DOCK8: variants seen among roughly 807,000 people sequenced by gnomAD.
The protein encoded by DOCK8 is dedicator of cytokinesis 8.
Under a neutral mutation model 245.6 loss-of-function variants are expected in DOCK8, and 141 were observed. The ratio of observed to expected loss-of-function variants is 0.57; its 90% CI spans 0.50 to 0.66. DOCK8 has a LOEUF of 0.66. Among genes scored for constraint, DOCK8 ranks in the 30% least tolerant of loss-of-function variants. The pLI, the probability that DOCK8 is intolerant of heterozygous loss-of-function variation, is 0.00. For synonymous variants in DOCK8, 1,168 were observed against 970.2 expected (o/e 1.20, Z -3.79); for missense variants, 2,965 against 2,603.4 (o/e 1.14, Z -3.02).
chr9:417,721 C>T (rs1197164664), intron 29 of DOCK8, among the ~76,000 whole-genome samples: 1 of 152,058 alleles, frequency 6.6e-6, no homozygotes, highest in Non-Finnish European at 1.5e-5. Context: ...TTGCTTAATT[C>T]TGTAATTGTA....
chr9:238,338 A>G (rs770302865), intron 1 of DOCK8, among the ~76,000 whole-genome samples: 3 of 152,242 alleles, frequency 2.0e-5, no homozygotes, highest in Non-Finnish European at 4.4e-5. Flanking sequence ...TGCTAAAGAC[A>G]TATTAATGAA....
intron 1 of DOCK8, among the ~76,000 whole-genome samples, chr9:263,961 C>T (rs1003306948): frequency 1.3e-5 from 2 of 152,164 alleles, no homozygotes; most frequent in Non-Finnish European, 2.9e-5. Flanking sequence ...ATTTATAGAA[C>T]TTTATGAAGC....
intron 24 of DOCK8, among the ~76,000 whole-genome samples, chr9:395,799 A>G (rs2054425008): frequency 6.6e-6 from 1 of 152,190 alleles, no homozygotes. Flanking sequence ...AAATTGTGGT[A>G]GGCATTGAGA....
At chr9:401,028 T>TCCACCATCACCAC (rs2055061394) in intron 26 of DOCK8, among the ~76,000 whole-genome samples, 1 of 82,442 alleles carries the variant, frequency 1.2e-5, no homozygotes, top group Non-Finnish European at 2.6e-5. Flanking sequence ...ACCACCTCCT[T>TCCACCATCACCAC]CACCTCCACC....
intron 20 of DOCK8, among the ~76,000 whole-genome samples, chr9:378,368 TTGG>T (rs1322211496): frequency 6.6e-6 from 1 of 152,106 alleles, no homozygotes; most frequent in Non-Finnish European, 1.5e-5. Context: ...AGTAGCACAG[TTGG>T]TGGTGGAACA....
At chr9:241,910 G>T (rs2047382386) in intron 1 of DOCK8, among the ~76,000 whole-genome samples, 1 of 152,140 alleles carries the variant, frequency 6.6e-6, no homozygotes, top group African/African-American at 2.4e-5. Context: ...CACAGCACCT[G>T]GCATGGGATA....
intron 15 of DOCK8, chr9:368,745 A>G (rs1331706175): frequency 6.6e-6 from 1 of 151,604 alleles, no homozygotes; most frequent in Non-Finnish European, 1.5e-5. Flanking sequence ...TCTCCTACTA[A>G]ATGAGATGGT....
At chr9:339,381 A>G (rs1188812421) in intron 13 of DOCK8, among the ~76,000 whole-genome samples, 1 of 152,236 alleles carries the variant, frequency 6.6e-6, no homozygotes, top group Non-Finnish European at 1.5e-5. Context: ...CTTTAATCAA[A>G]TAAAATATTA....
chr9:425,486 T>A (rs192678565), intron 33 of DOCK8, among the ~76,000 whole-genome samples: 3 of 143,486 alleles, frequency 2.1e-5, no homozygotes, highest in African/African-American at 8.3e-5. Flanking sequence ...GAGCCAAGAT[T>A]GCGCCACTGC....
At chr9:444,684 C>G (rs914001185) in intron 43 of DOCK8, among the ~76,000 whole-genome samples, 3 of 152,198 alleles carry the variant, frequency 2.0e-5, no homozygotes, top group African/African-American at 7.2e-5. Context: ...ACTTGGCATC[C>G]TGAAGCTATC....
At chr9:221,075 G>GT (rs2046871638) in intron 1 of DOCK8, among the ~76,000 whole-genome samples, 1 of 152,188 alleles carries the variant, frequency 6.6e-6, no homozygotes, top group African/African-American at 2.4e-5. Flanking sequence ...ATCGACAACA[G>GT]TGGGGGTATA....
rs2048168392 is a variant in DOCK8 at position 271,649 on chromosome 9, A to C, written c.76A>C (p.Lys26Gln). Reference sequence around the variant, plus strand: ...AAGGTATTCTTCAGCGGAAATAAGGAAACAGTTTACTCTCCCACCAAACCT... The same window carrying C: ...AAGGTATTCTTCAGCGGAAATAAGGCAACAGTTTACTCTCCCACCAAACCT... ...INRYSSAEIR[K>Q]QFTLPPNLGQ... is the part of the protein sequence containing the mutation. Residue 26 changes from lysine to glutamine, a missense_variant, in exon 2 of 48, where the codon AAA becomes CAA. This residue lies in a region of DOCK8 where 2,825 missense variants were observed against 2,453.5 expected (regional missense o/e 1.15). Coordinates refer to ENST00000432829, the MANE Select transcript of DOCK8 (RefSeq NM_203447.4). 5 of 1,551,016 alleles carry C rather than the reference A, an allele frequency of 3.2e-6. No homozygotes were observed. The highest frequency in any genetic ancestry group is 4.4e-6 in the Non-Finnish European group (5 of 1,146,428).
intron 14 of DOCK8, among the ~76,000 whole-genome samples, chr9:340,772 G>C (rs16932025): frequency 0.034 from 5,206 of 152,206 alleles, 300 homozygotes; most frequent in African/African-American, 0.12. Flanking sequence ...GTAACCGTAG[G>C]TGATTGCCAA....
At chr9:230,545 C>T (rs912240587) in intron 1 of DOCK8, among the ~76,000 whole-genome samples, 1 of 152,104 alleles carries the variant, frequency 6.6e-6, no homozygotes, top group Non-Finnish European at 1.5e-5. Flanking sequence ...TATTTCTCCA[C>T]ATCCTCTCCG....
chr9:313,562 TG>T (rs1237715726), intron 6 of DOCK8, among the ~76,000 whole-genome samples: 1 of 152,178 alleles, frequency 6.6e-6, no homozygotes, highest in Non-Finnish European at 1.5e-5. Flanking sequence ...TCTAAAAAAG[TG>T]GATCTCATAG....
intron 6 of DOCK8, among the ~76,000 whole-genome samples, chr9:316,811 CT>C (rs1268092425): frequency 6.6e-6 from 1 of 152,150 alleles, no homozygotes; most frequent in African/African-American, 2.4e-5. Context: ...GCTTCAGTCT[CT>C]TTGTCTTGAA....
rs1192050728 is a variant in DOCK8 at position 464,894 on chromosome 9, T to TA, written c.*676dup. 2 of 154,288 alleles carry TA rather than the reference T, an allele frequency of 1.3e-5. No homozygotes were observed. The highest frequency in any genetic ancestry group is 2.4e-5 in the African/African-American group (1 of 41,592). 9.6% of individuals were successfully genotyped at this position (154,288 alleles called of 1,614,324 possible). On this transcript the variant is annotated 3_prime_UTR_variant, in exon 48 of 48. Coordinates refer to ENST00000432829, the MANE Select transcript of DOCK8 (RefSeq NM_203447.4). The stretch of plus-strand genomic sequence containing the variant: ...ACATTCAAAGCACTGATGTAGGAGA[T>TA]ACACGGTACTTGGAGCAGTCAGCCA...
intron 1 of DOCK8, among the ~76,000 whole-genome samples, chr9:216,996 C>A (rs1285914058): frequency 6.6e-6 from 1 of 152,014 alleles, no homozygotes; most frequent in African/African-American, 2.4e-5. Flanking sequence ...TCTTTATGTG[C>A]CAAGTAGAGT....
chr9:336,244 GC>G (rs147506028), intron 11 of DOCK8, among the ~76,000 whole-genome samples: 41 of 152,310 alleles, frequency 2.7e-4, no homozygotes, highest in Non-Finnish European at 5.4e-4. Flanking sequence ...TAAAAGAAAA[GC>G]AAACACTGTG....
Sources: allele counts gnomAD v4.1 joint callset (sites outside exome capture counted in the v4.1 genomes callset), GRCh38; gene constraint gnomAD v4.1.1; regional missense constraint gnomAD v4.1.1; transcripts MANE v1.5; gene names NCBI Gene and HGNC (gene_info 2026-07-23, HGNC 2026-07-21).